WWOX: variants seen among roughly 807,000 people sequenced by gnomAD.
WWOX encodes WW domain-containing oxidoreductase.
WWOX carries 69 observed loss-of-function variants against 46.2 expected under a neutral mutation model. That is an observed-to-expected ratio of 1.49 (90% CI 1.23 to 1.82). The LOEUF (loss-of-function observed/expected upper bound fraction) is 1.82, where lower values mean the gene tolerates loss of function less well. WWOX is among the 40% of genes most tolerant of loss of function. The probability of loss-of-function intolerance (pLI) is 0.00; values close to 1 mark genes in which losing one functional copy is unlikely to be tolerated. For synonymous variants in WWOX, 359 were observed against 202.6 expected (o/e 1.77, Z -6.56); for missense variants, 919 against 542.6 (o/e 1.69, Z -6.89).
chr16:78,793,229 T>C (rs1377341469), intron 8 of WWOX, among the ~76,000 whole-genome samples: 1 of 152,072 alleles, frequency 6.6e-6, no homozygotes, highest in Non-Finnish European at 1.5e-5. Flanking sequence ...CCAGCTAATT[T>C]TTATATTTTT....
intron 8 of WWOX, chr16:78,896,517 C>T (rs1030065260): frequency 6.6e-6 from 1 of 152,176 alleles, no homozygotes; most frequent in Non-Finnish European, 1.5e-5. Flanking sequence ...TGATCATTAA[C>T]TTGCATAAGG....
chr16:78,946,992 G>C (rs1995869), intron 8 of WWOX, among the ~76,000 whole-genome samples: 4,451 of 151,912 alleles, frequency 0.029, 199 homozygotes, highest in African/African-American at 0.1. Flanking sequence ...GGATTGTGAA[G>C]AGGGACTTTG....
At chr16:78,581,442 G>C (rs1597301709) in intron 8 of WWOX, among the ~76,000 whole-genome samples, 1 of 152,264 alleles carries the variant, frequency 6.6e-6, no homozygotes, top group East Asian at 1.9e-4. Flanking sequence ...TATTTTAATT[G>C]AGTTTTAAAG....
chr16:78,476,187 C>G (rs1350440786), intron 8 of WWOX, among the ~76,000 whole-genome samples: 3 of 152,104 alleles, frequency 2.0e-5, no homozygotes, highest in Non-Finnish European at 4.4e-5. Flanking sequence ...GAGATGGTAT[C>G]TCATTGTGGT....
chr16:78,435,862 A>G lies in WWOX; in HGVS notation c.1056+3110A>G, dbSNP rs186263911. Among the ~76,000 whole-genome samples the G allele has an allele frequency of 1.1e-4, 16 of 152,326 alleles. No homozygotes were observed. The East Asian group carries it at 2.5e-3, about 24-fold the overall frequency. On this transcript the variant is annotated intron_variant, in intron 8 of 8. Transcript: ENST00000566780. The stretch of plus-strand genomic sequence containing the variant: ...ACAGGTTAGTGTAAGGACCGACAAT[A>G]ATGCATATAACATCAATAATGATGG...
intron 8 of WWOX, among the ~76,000 whole-genome samples, chr16:79,155,853 T>A (rs2050371318): frequency 6.6e-6 from 1 of 151,904 alleles, no homozygotes. Flanking sequence ...AGAGGACTAA[T>A]ACATATAAGA....
At chr16:78,356,471 C>T (rs547734314) in intron 5 of WWOX, among the ~76,000 whole-genome samples, 167 of 152,262 alleles carry the variant, frequency 1.1e-3, no homozygotes, top group African/African-American at 3.8e-3. Flanking sequence ...AGATATGACA[C>T]ATCTCTAGTT....
At chr16:78,985,376 A>G (rs566170198) in intron 8 of WWOX, among the ~76,000 whole-genome samples, 11 of 152,326 alleles carry the variant, frequency 7.2e-5, no homozygotes, top group Non-Finnish European at 1.5e-4. Flanking sequence ...TCAACACCAC[A>G]GGGCTAATAG....
intron 5 of WWOX, among the ~76,000 whole-genome samples, chr16:78,320,107 C>G (rs2080436348): frequency 6.6e-6 from 1 of 152,146 alleles, no homozygotes; most frequent in African/African-American, 2.4e-5. Flanking sequence ...TGCATGAGGG[C>G]AAAAACTTAG....
intron 5 of WWOX, among the ~76,000 whole-genome samples, chr16:78,287,068 A>G (rs375805095): frequency 1.1e-4 from 17 of 152,334 alleles, no homozygotes; most frequent in African/African-American, 3.6e-4. Context: ...TGGTAATACA[A>G]CGGGACAAGC....
At chr16:78,338,071 A>G (rs903489490) in intron 5 of WWOX, among the ~76,000 whole-genome samples, 2 of 121,412 alleles carry the variant, frequency 1.6e-5, no homozygotes, top group Middle Eastern at 4.1e-3. Flanking sequence ...TGACAGATCA[A>G]AAGCCTTCTG....
intron 8 of WWOX, among the ~76,000 whole-genome samples, chr16:78,496,840 C>T (rs2084930256): frequency 6.6e-6 from 1 of 152,204 alleles, no homozygotes; most frequent in Non-Finnish European, 1.5e-5. Context: ...TTTCCGGAAA[C>T]CCCTTTTGCT....
chr16:78,823,363 A>C (rs1430249856), intron 8 of WWOX, among the ~76,000 whole-genome samples: 1 of 151,938 alleles, frequency 6.6e-6, no homozygotes, highest in South Asian at 2.1e-4. Context: ...GGAAGGACAG[A>C]CTCCCACCCC....
intron 8 of WWOX, among the ~76,000 whole-genome samples, chr16:78,805,500 G>A (rs1393315979): frequency 6.6e-6 from 1 of 151,946 alleles, no homozygotes. Flanking sequence ...ATGCAGGATG[G>A]TCTCGATTTC....
intron 5 of WWOX, among the ~76,000 whole-genome samples, chr16:78,286,192 A>T (rs569486850): frequency 6.6e-6 from 1 of 152,236 alleles, no homozygotes; most frequent in Non-Finnish European, 1.5e-5. Flanking sequence ...CTTTTTTCAC[A>T]AGGCGAAAAT....
chr16:78,502,088 A>G (rs373051390), intron 8 of WWOX, among the ~76,000 whole-genome samples: 8 of 152,178 alleles, frequency 5.3e-5, no homozygotes, highest in African/African-American at 1.9e-4. Flanking sequence ...TCTCTTCTTT[A>G]TACTTGTCTT....
At chr16:78,867,870 C>A (rs954716876) in intron 8 of WWOX, among the ~76,000 whole-genome samples, 1 of 152,082 alleles carries the variant, frequency 6.6e-6, no homozygotes, top group Non-Finnish European at 1.5e-5. Flanking sequence ...TAGCTCTAAC[C>A]AGAAAGATTT....
chr16:78,396,414 T>C (rs1026337316), intron 6 of WWOX, among the ~76,000 whole-genome samples: 4 of 152,236 alleles, frequency 2.6e-5, no homozygotes, highest in Admixed American at 1.3e-4. Flanking sequence ...ATAAACATTT[T>C]TGATTTCCCA....
intron 3 of WWOX, among the ~76,000 whole-genome samples, chr16:78,114,051 AT>A (rs1396066769): frequency 1.3e-5 from 2 of 148,802 alleles, no homozygotes; most frequent in African/African-American, 5.0e-5. Context: ...TAAAAAGTAA[AT>A]TCTATTATAA....
Sources: gnomAD v4.1 joint callset for allele counts (sites outside exome capture counted in the v4.1 genomes callset) on GRCh38, gnomAD v4.1.1 for gene constraint, MANE v1.5 for transcripts, NCBI Gene and HGNC (gene_info 2026-07-23, HGNC 2026-07-21) for gene names.